Variants in IRAK2 observed in about 807,000 individuals in gnomAD.
IRAK2 encodes the protein interleukin-1 receptor-associated kinase-like 2.
In IRAK2, 57 loss-of-function variants were observed where a neutral mutation model predicts 72.0. The ratio of observed to expected loss-of-function variants is 0.79; its 90% CI spans 0.64 to 0.99. The LOEUF is 0.99. Ranked by LOEUF, IRAK2 falls within the 50% of genes least tolerant of loss-of-function variation. IRAK2 has a pLI of 0.00. For missense variants in IRAK2, 790 were observed against 794.4 expected (o/e 0.99, Z 0.07); for synonymous variants, 293 against 312.7 (o/e 0.94, Z 0.67).
chr3:10,218,423 C>CAA (rs56893916), intron 7 of IRAK2, among the ~76,000 whole-genome samples: 4,853 of 48,474 alleles, frequency 0.1, 178 homozygotes, highest in East Asian at 0.23. Flanking sequence ...GACTCCGTCT[C>CAA]AAAAAAAAAA....
chr3:10,212,587 A>G (rs1697536980), intron 4 of IRAK2, among the ~76,000 whole-genome samples: 1 of 152,056 alleles, frequency 6.6e-6, no homozygotes, highest in South Asian at 2.1e-4. Context: ...GGAAACATCA[A>G]CCATGTGCCA....
At chr3:10,211,079 T>G (rs1206196971) in intron 4 of IRAK2, among the ~76,000 whole-genome samples, 1 of 151,996 alleles carries the variant, frequency 6.6e-6, no homozygotes, top group Admixed American at 6.6e-5. Flanking sequence ...GCCAGGCTGG[T>G]CTTGAACTCC....
At chr3:10,237,966 T>TGTGTGTGA (rs1553626777) in intron 11 of IRAK2, among the ~76,000 whole-genome samples, 3 of 150,862 alleles carry the variant, frequency 2.0e-5, no homozygotes, top group Non-Finnish European at 3.0e-5. Flanking sequence ...TGTGTGTGTG[T>TGTGTGTGA]GAAGAAGAAA....
chr3:10,188,662 G>C (rs949683261), intron 2 of IRAK2, among the ~76,000 whole-genome samples: 1 of 152,234 alleles, frequency 6.6e-6, no homozygotes, highest in African/African-American at 2.4e-5. Context: ...GAGTAGCTGG[G>C]ATTACAGGCA....
intron 12 of IRAK2, among the ~76,000 whole-genome samples, chr3:10,241,758 T>G (rs1698064113): frequency 7.6e-6 from 1 of 131,550 alleles, no homozygotes; most frequent in African/African-American, 2.9e-5. Flanking sequence ...AAAAATTAAC[T>G]GTGTGTGTCG....
intron 5 of IRAK2, 22 bp from the exon 6 acceptor site, chr3:10,213,462 G>A (rs1697555271): frequency 1.9e-6 from 3 of 1,613,718 alleles, no homozygotes; most frequent in Non-Finnish European, 2.5e-6. Flanking sequence ...GGATCTTCAT[G>A]TTCTGATGTC....
chr3:10,234,798 T>A, intron 11 of IRAK2, 139 bp downstream of exon 11: 1 of 763,818 alleles, frequency 1.3e-6, no homozygotes, highest in South Asian at 1.7e-5. Flanking sequence ...AGAGCTCCCA[T>A]CAGCCAAAGG....
At chr3:10,218,285 G>A (rs187791125) in intron 7 of IRAK2, among the ~76,000 whole-genome samples, 169 of 152,218 alleles carry the variant, frequency 1.1e-3, no homozygotes, top group African/African-American at 3.8e-3. Context: ...TTAGCCAGGC[G>A]TGGTGGCGTG....
intron 2 of IRAK2, among the ~76,000 whole-genome samples, chr3:10,200,001 C>T (rs1009762769): frequency 6.6e-6 from 1 of 151,562 alleles, no homozygotes; most frequent in African/African-American, 2.4e-5. Context: ...GATTCTCCTG[C>T]CTCAGCCTCC....
intron 6 of IRAK2, among the ~76,000 whole-genome samples, chr3:10,215,393 CAAA>C (rs562788691): frequency 3.0e-3 from 241 of 79,572 alleles, no homozygotes; most frequent in African/African-American, 9.2e-3. Context: ...GACTCTGTCT[CAAA>C]AAAAAAAAAA....
intron 10 of IRAK2, among the ~76,000 whole-genome samples, chr3:10,228,558 T>G (rs1168335611): frequency 6.6e-6 from 1 of 152,222 alleles, no homozygotes; most frequent in South Asian, 2.1e-4. Context: ...GACAGGAAGT[T>G]GTCTAGAATT....
intron 4 of IRAK2, among the ~76,000 whole-genome samples, chr3:10,212,435 A>G (rs570371219): frequency 4.5e-4 from 69 of 152,244 alleles, no homozygotes; most frequent in African/African-American, 1.6e-3. Flanking sequence ...ATGAACCTGT[A>G]TCCTACTTCC....
rs150382403 is a variant in IRAK2 at position 10,177,916 on chromosome 3, G to A, written c.173G>A (p.Arg58Gln). 85 of 1,613,854 alleles carry A rather than the reference G, an allele frequency of 5.3e-5. No individual in the cohort carries two copies. The highest frequency in any genetic ancestry group is 4.7e-4 in the East Asian group (21 of 44,842). ...CGGGTGCAGGGTGTGAGCATCACGCGGGAGCTGCTGTGGTGGTGGGGCATG... is the reference window on the plus strand; with the variant it reads ...CGGGTGCAGGGTGTGAGCATCACGCAGGAGCTGCTGTGGTGGTGGGGCATG... The part of the protein sequence containing the change: ...MERVQGVSIT[R>Q]ELLWWWGMRQ... Residue 58 changes from arginine to glutamine, a missense_variant, in exon 2 of 13, where the codon CGG becomes CAG. Arg to Gln is a conservative substitution (Grantham distance 43). Transcript: ENST00000256458.
chr3:10,197,745 G>T (rs539285595), intron 2 of IRAK2, among the ~76,000 whole-genome samples: 1 of 150,698 alleles, frequency 6.6e-6, no homozygotes, highest in African/African-American at 2.4e-5. Flanking sequence ...CCAGCTACTC[G>T]GGAGGCTGAG....
chr3:10,237,927 C>CTGTGTGTG (rs1491258718), intron 11 of IRAK2, among the ~76,000 whole-genome samples: 4 of 89,862 alleles, frequency 4.5e-5, no homozygotes, highest in Middle Eastern at 4.6e-3. Context: ...TGTATGTGTG[C>CTGTGTGTG]TCTGTGTGTG....
chr3:10,201,321 C>G (rs1697357333), intron 3 of IRAK2, among the ~76,000 whole-genome samples: 1 of 152,240 alleles, frequency 6.6e-6, no homozygotes, highest in Non-Finnish European at 1.5e-5. Flanking sequence ...GTGTCCCCAG[C>G]ACAGGTTGGC....
At chr3:10,165,435 G>C (rs1441610774) in intron 1 of IRAK2, among the ~76,000 whole-genome samples, 1 of 140,228 alleles carries the variant, frequency 7.1e-6, no homozygotes, top group Non-Finnish European at 1.6e-5. Flanking sequence ...TTGGGGGGGT[G>C]TGTGTGTGTG....
At chr3:10,174,756 C>T (rs1470802932) in intron 1 of IRAK2, among the ~76,000 whole-genome samples, 1 of 152,008 alleles carries the variant, frequency 6.6e-6, no homozygotes, top group Non-Finnish European at 1.5e-5. Context: ...AACTCCTGAA[C>T]TTAGGTGATC....
At chr3:10,217,350 C>A (rs952434905) in intron 7 of IRAK2, among the ~76,000 whole-genome samples, 1 of 152,142 alleles carries the variant, frequency 6.6e-6, no homozygotes, top group Non-Finnish European at 1.5e-5. Context: ...CAGGAAAAAT[C>A]TATAAAAAAT....
Sources: gnomAD v4.1 joint callset for allele counts (sites outside exome capture counted in the v4.1 genomes callset) on GRCh38, gnomAD v4.1.1 for gene constraint, MANE v1.5 for transcripts, NCBI Gene and HGNC (gene_info 2026-07-23, HGNC 2026-07-21) for gene names.